HEXB: variants seen among roughly 807,000 people sequenced by gnomAD.
HEXB encodes the protein beta-hexosaminidase subunit beta.
A neutral mutation model predicts 71.2 loss-of-function variants in HEXB; 51 were observed. The ratio of observed to expected loss-of-function variants is 0.72; its 90% CI spans 0.57 to 0.90. HEXB has a LOEUF of 0.90. Among genes scored for constraint, HEXB ranks in the 40% least tolerant of loss-of-function variants. The probability of loss-of-function intolerance (pLI) is 0.00; values close to 1 mark genes in which losing one functional copy is unlikely to be tolerated. For synonymous variants in HEXB, 266 were observed against 249.3 expected, an observed-to-expected ratio of 1.07 and a Z score of -0.63; for missense variants, 617 against 677.0, an observed-to-expected ratio of 0.91 and a Z score of 0.98.
In HEXB at chr5:74,641,643, C is replaced by G. The variant is rs1032655526; in HGVS notation, c.-377+1085C>G. On this transcript the variant is annotated intron_variant, in intron 1 of 13. Transcript: ENST00000511181. This position sits in a 1 kb window ranked among gnomAD's most constrained non-coding sequence, Gnocchi z 4.1. Reference sequence around the variant, plus strand: ...GGAGTTCAGTAAAGAAATGGCCCAGCACACACACACGTTTAATAGTCCCGC... The same window carrying G: ...GGAGTTCAGTAAAGAAATGGCCCAGGACACACACACGTTTAATAGTCCCGC... Among the ~76,000 whole-genome samples the G allele has an allele frequency of 9.9e-5, 15 of 152,196 alleles. No individual in the cohort carries two copies. Among genetic ancestry groups the G allele is most frequent in the Admixed American group, 7.2e-4 (11 of 15,282 alleles).
chr5:74,672,665 C>A (rs1317648018), intron 1 of HEXB, among the ~76,000 whole-genome samples: 1 of 152,216 alleles, frequency 6.6e-6, no homozygotes, highest in Admixed American at 6.5e-5. Flanking sequence ...TCTTAGCAAA[C>A]CCTGCACTGG....
chr5:74,692,671 T>C (rs1018083253), intron 2 of HEXB, among the ~76,000 whole-genome samples: 2 of 152,252 alleles, frequency 1.3e-5, no homozygotes, highest in Non-Finnish European at 2.9e-5. Flanking sequence ...CACTTTTGCC[T>C]ACCTGCAGCT....
chr5:74,664,567 A>G (rs1748400470), intron 1 of HEXB, among the ~76,000 whole-genome samples: 1 of 152,094 alleles, frequency 6.6e-6, no homozygotes, highest in Admixed American at 6.5e-5. Flanking sequence ...GATTTATGTT[A>G]AATATAAAAA....
At position 74,679,320 on chromosome 5, in the gene HEXB, C is replaced by T. The variant is rs188765530; in HGVS notation, c.-376-10008C>T. Among the ~76,000 whole-genome samples the T allele has an allele frequency of 4.0e-3, 612 of 152,072 alleles. 7 individuals are homozygous for T. The highest frequency in any genetic ancestry group is 0.014 in the African/African-American group (571 of 41,442). On this transcript the variant is annotated intron_variant, in intron 1 of 13. Coordinates refer to the HEXB transcript ENST00000511181. ...GAGACTCACTTTAAAAGAGTGAGGA[C>T]GATATTATTGGAAACTGGAGAAATA...
intron 8 of HEXB, among the ~76,000 whole-genome samples, chr5:74,716,324 A>ATTCTCTCTGCAAATAGCTTTAGATGG (rs1236722316): frequency 1.1e-4 from 16 of 152,224 alleles, no homozygotes; most frequent in Non-Finnish European, 2.9e-5. Flanking sequence ...TCAAATAAAA[A>ATTCTCTCTGCAAATAGCTTTAGATGG]TTCTCTCTGC....
At chr5:74,659,810 A>G (rs939353657) in intron 1 of HEXB, among the ~76,000 whole-genome samples, 1 of 152,244 alleles carries the variant, frequency 6.6e-6, no homozygotes, top group Admixed American at 6.5e-5. Context: ...TTGAATTTTG[A>G]TGAGAATAAA....
upstream of HEXB, among the ~76,000 whole-genome samples, chr5:74,681,989 G>T (rs1352304603): frequency 6.6e-6 from 1 of 152,256 alleles, no homozygotes; most frequent in Non-Finnish European, 1.5e-5. Context: ...GGTATGGCAA[G>T]TAACTCAGGC....
At chr5:74,719,940 C>CAAA (rs71600436) in intron 11 of HEXB, 11 of 80,030 alleles carry the variant, frequency 1.4e-4, no homozygotes, top group South Asian at 5.6e-4. Context: ...GACTCCATCT[C>CAAA]AAAAAAAAAA....
intron 5 of HEXB, among the ~76,000 whole-genome samples, chr5:74,704,618 C>G (rs1337551983): frequency 6.6e-6 from 1 of 152,124 alleles, no homozygotes; most frequent in Non-Finnish European, 1.5e-5. Flanking sequence ...AGCCAAGAAC[C>G]ATTTTGCATT....
Position 74,648,932 on chromosome 5 carries a change from C to A in HEXB, c.-377+8374C>A, listed in dbSNP as rs145631250. On this transcript the variant is annotated intron_variant, in intron 1 of 13. Coordinates refer to the HEXB transcript ENST00000511181. Reference sequence around the variant, plus strand: ...AACACTGTAGCACAGAACACAAATGCGGGTTTCCACAGACCACAGCACAGA... The same window carrying A: ...AACACTGTAGCACAGAACACAAATGAGGGTTTCCACAGACCACAGCACAGA... Among the ~76,000 whole-genome samples, 228 of 152,284 alleles carry A rather than the reference C, an allele frequency of 1.5e-3. 2 individuals are homozygous for A. Among genetic ancestry groups the A allele is most frequent in the African/African-American group, 4.9e-3 (203 of 41,546 alleles).
intron 1 of HEXB, among the ~76,000 whole-genome samples, chr5:74,657,807 C>T (rs1748248787): frequency 6.6e-6 from 1 of 152,210 alleles, no homozygotes; most frequent in Admixed American, 6.5e-5. Context: ...GCCTCTGTGC[C>T]TCACATGTCA....
chr5:74,679,445 G>C (rs772412471), intron 1 of HEXB, among the ~76,000 whole-genome samples: 9 of 151,490 alleles, frequency 5.9e-5, no homozygotes, highest in Non-Finnish European at 1.2e-4. Flanking sequence ...ATCTAACTAA[G>C]GAGATTGCCA....
At chr5:74,706,416 T>C (rs540633396) in intron 6 of HEXB, among the ~76,000 whole-genome samples, 2 of 152,328 alleles carry the variant, frequency 1.3e-5, no homozygotes, top group Admixed American at 1.3e-4. Context: ...ACCAGGTTCA[T>C]CTCACTAGGG....
chr5:74,670,494 C>G (rs974468269), intron 1 of HEXB, among the ~76,000 whole-genome samples: 1 of 152,174 alleles, frequency 6.6e-6, no homozygotes. Flanking sequence ...AATGCGAATA[C>G]ACAGAAGGCT....
rs1201070474 is a variant in HEXB, at chr5:74,652,167, A to G, written c.-377+11609A>G. Among the ~76,000 whole-genome samples, 3 of 152,152 alleles carry G rather than the reference A, an allele frequency of 2.0e-5. No individual in the cohort carries two copies. The highest frequency in any genetic ancestry group is 1.5e-5 in the Non-Finnish European group (1 of 67,978). On this transcript the variant is annotated intron_variant, in intron 1 of 13. Transcript: ENST00000511181. This position sits in a 1 kb window ranked among gnomAD's most constrained non-coding sequence, Gnocchi z 5.4. ...ATGCATGGATCAACCATAAATAATA[A>G]TTAATGTCCATTTAGAGTCACAGTG...
intron 5 of HEXB, among the ~76,000 whole-genome samples, chr5:74,703,517 G>A (rs1394085548): frequency 6.6e-6 from 1 of 152,176 alleles, no homozygotes; most frequent in Non-Finnish European, 1.5e-5. Context: ...GTCATTGCTT[G>A]TAGACCCTCT....
chr5:74,652,026 C>T lies in HEXB; in HGVS notation c.-377+11468C>T, dbSNP rs555922253. On this transcript the variant is annotated intron_variant, in intron 1 of 13. Coordinates refer to the HEXB transcript ENST00000511181. This position sits in a 1 kb window ranked among gnomAD's most constrained non-coding sequence, Gnocchi z 5.4. ...TACTCTTATGCCAGACAAACTAGGA[C>T]GTGTCTAAAAAGTCAGACACTGCAT... Among the ~76,000 whole-genome samples, 28 of 152,266 alleles carry T rather than the reference C, an allele frequency of 1.8e-4. No homozygotes were observed. The South Asian group carries it at 1.9e-3, about 10-fold the overall frequency.
At chr5:74,659,252 C>T (rs932945945) in intron 1 of HEXB, among the ~76,000 whole-genome samples, 1 of 152,180 alleles carries the variant, frequency 6.6e-6, no homozygotes, top group Non-Finnish European at 1.5e-5. Context: ...CCTGAGACCT[C>T]ACAGCGTTCA....
chr5:74,701,209 T>G (rs1205830278), intron 5 of HEXB, among the ~76,000 whole-genome samples: 1 of 152,118 alleles, frequency 6.6e-6, no homozygotes, highest in African/African-American at 2.4e-5. Flanking sequence ...GAGTAGTATA[T>G]TTCAATGTTA....
Sources: allele counts gnomAD v4.1 joint callset (sites outside exome capture counted in the v4.1 genomes callset), GRCh38; gene constraint gnomAD v4.1.1; non-coding constraint Gnocchi (gnomAD v3.1); transcripts MANE v1.5; gene names NCBI Gene and HGNC (gene_info 2026-07-23, HGNC 2026-07-21).